The following STK32B variants were observed in gnomAD, a reference collection of about 807,000 sequenced individuals.
STK32B encodes the protein serine/threonine-protein kinase 32B.
A neutral mutation model predicts 52.6 loss-of-function variants in STK32B; 43 were observed. That is an observed-to-expected ratio of 0.82 (90% CI 0.64 to 1.05). The LOEUF (loss-of-function observed/expected upper bound fraction) is 1.05, where lower values mean the gene tolerates loss of function less well. Ranked by LOEUF, STK32B falls within the 50% of genes least tolerant of loss-of-function variation. STK32B has a pLI of 0.00. For missense variants in STK32B, 621 were observed against 534.6 expected, an observed-to-expected ratio of 1.16 and a Z score of -1.59; for synonymous variants, 238 against 204.3, an observed-to-expected ratio of 1.17 and a Z score of -1.41.
chr4:5,240,284 A>C (rs940922469), intron 3 of STK32B, among the ~76,000 whole-genome samples: 1 of 151,592 alleles, frequency 6.6e-6, no homozygotes, highest in Non-Finnish European at 1.5e-5. Flanking sequence ...GCCAATCTTG[A>C]ATCTTTTTTT....
intron 2 of STK32B, among the ~76,000 whole-genome samples, chr4:5,146,920 A>G (rs1338463979): frequency 2.0e-5 from 3 of 152,136 alleles, no homozygotes; most frequent in African/African-American, 7.2e-5. Context: ...TTTTCATACA[A>G]ATTTTGGAGT....
At position 5,126,830 on chromosome 4, in the gene STK32B, AACCCAGTT is replaced by A. The variant is rs1322279516; in HGVS notation, c.53-13073_53-13066del. 4.6e-5 allele frequency among the ~76,000 whole-genome samples: 7 copies of A among 152,350 alleles called. No homozygotes were observed. The South Asian group carries it at 1.2e-3, about 27-fold the overall frequency. On this transcript the variant is annotated intron_variant, in intron 1 of 11. Transcript: ENST00000282908. ...CTAAAACATGGCCATTTCTACTGAT[AACCCAGTT>A]ATCAATTTCCTGATTTTTTTAGGGA...
intron 3 of STK32B, among the ~76,000 whole-genome samples, chr4:5,190,600 T>C (rs116325727): frequency 0.012 from 1,771 of 152,258 alleles, 32 homozygotes; most frequent in African/African-American, 0.04. Flanking sequence ...TAGCTCACCC[T>C]GAAGAGTGCC....
chr4:5,487,647 G>A (rs372290864), intron 11 of STK32B, among the ~76,000 whole-genome samples: 3 of 152,126 alleles, frequency 2.0e-5, no homozygotes, highest in South Asian at 2.1e-4. Flanking sequence ...TAGGGTTATC[G>A]TCAAAATAGC....
At chr4:5,183,680 G>T (rs1720525284) in intron 3 of STK32B, among the ~76,000 whole-genome samples, 1 of 152,190 alleles carries the variant, frequency 6.6e-6, no homozygotes, top group Admixed American at 6.5e-5. Context: ...TTGTTTAATT[G>T]AAAAATCTGT....
chr4:5,294,443 T>C (rs1361222603), intron 3 of STK32B, among the ~76,000 whole-genome samples: 1 of 152,190 alleles, frequency 6.6e-6, no homozygotes, highest in Non-Finnish European at 1.5e-5. Flanking sequence ...TCCTCTCTTA[T>C]TGCCTTGAGC....
chr4:5,322,135 A>G (rs1054941167), intron 3 of STK32B, among the ~76,000 whole-genome samples: 8 of 152,076 alleles, frequency 5.3e-5, no homozygotes, highest in African/African-American at 1.9e-4. Context: ...GGAGTTCAAG[A>G]CCAGCCTGGG....
chr4:5,344,944 G>A (rs1338817452), intron 4 of STK32B, among the ~76,000 whole-genome samples: 1 of 151,984 alleles, frequency 6.6e-6, no homozygotes, highest in Non-Finnish European at 1.5e-5. Flanking sequence ...GGGAGGCTGA[G>A]ATGGGAGGAT....
intron 3 of STK32B, among the ~76,000 whole-genome samples, chr4:5,193,586 G>C (rs753060058): frequency 2.0e-5 from 3 of 152,222 alleles, no homozygotes; most frequent in Non-Finnish European, 4.4e-5. Context: ...CTTCTCCTCC[G>C]GCTGTGCTGC....
intron 4 of STK32B, among the ~76,000 whole-genome samples, chr4:5,370,984 A>ATATGTGTG (rs1553879907): frequency 2.1e-5 from 3 of 145,358 alleles, no homozygotes; most frequent in South Asian, 2.2e-4. Flanking sequence ...ATATATATAT[A>ATATGTGTG]TGTGTGTGTG....
intron 4 of STK32B, among the ~76,000 whole-genome samples, chr4:5,353,584 G>T (rs1733983731): frequency 6.6e-6 from 1 of 151,756 alleles, no homozygotes; most frequent in Admixed American, 6.6e-5. Context: ...CAAATGACAT[G>T]AATAGATATT....
intron 4 of STK32B, among the ~76,000 whole-genome samples, chr4:5,348,859 C>T (rs1440052920): frequency 6.6e-6 from 1 of 152,172 alleles, no homozygotes; most frequent in Non-Finnish European, 1.5e-5. Context: ...GAATCATCAT[C>T]CAACCCAGTC....
chr4:5,307,289 G>A (rs937748312), intron 3 of STK32B, among the ~76,000 whole-genome samples: 2 of 152,014 alleles, frequency 1.3e-5, no homozygotes, highest in Admixed American at 1.3e-4. Context: ...CTTAGATTTG[G>A]TCATTTAACA....
intron 6 of STK32B, among the ~76,000 whole-genome samples, chr4:5,438,708 C>T (rs1291594686): frequency 3.3e-5 from 5 of 152,188 alleles, no homozygotes; most frequent in Admixed American, 2.0e-4. Context: ...CCCACTAACT[C>T]GTCATCTAGC....
intron 4 of STK32B, among the ~76,000 whole-genome samples, chr4:5,333,209 C>T (rs1732395746): frequency 6.6e-6 from 1 of 152,144 alleles, no homozygotes; most frequent in Non-Finnish European, 1.5e-5. Flanking sequence ...GAGATGGTAT[C>T]TCATTGTGGT....
At chr4:5,074,291 C>T (rs1711955179) in intron 1 of STK32B, among the ~76,000 whole-genome samples, 1 of 151,884 alleles carries the variant, frequency 6.6e-6, no homozygotes, top group Non-Finnish European at 1.5e-5. Flanking sequence ...CAGATCCCTT[C>T]TGTATTGTCC....
rs115767170 is a variant in STK32B, at chr4:5,328,052, G to A, written c.261-3168G>A. Among the ~76,000 whole-genome samples, 465 of 152,204 alleles carry A rather than the reference G, an allele frequency of 3.1e-3. 2 individuals are homozygous for A. The highest frequency in any genetic ancestry group is 0.011 in the African/African-American group (451 of 41,518). ...TCTTTAACCTCATGAACCAACCTTT[G>A]CTAGCTTCCAGCTCTTTTTCTGCAA... On this transcript the variant is annotated intron_variant, in intron 3 of 11. Transcript: ENST00000282908.
At chr4:5,479,825 A>G (rs1244185011) in intron 11 of STK32B, among the ~76,000 whole-genome samples, 1 of 152,218 alleles carries the variant, frequency 6.6e-6, no homozygotes, top group South Asian at 2.1e-4. Context: ...CAGTAATTTC[A>G]ACTCTGTGTT....
chr4:5,254,877 CTTTG>C (rs1284431078), intron 3 of STK32B, among the ~76,000 whole-genome samples: 3 of 151,652 alleles, frequency 2.0e-5, no homozygotes, highest in African/African-American at 7.3e-5. Context: ...AGTAGATGTT[CTTTG>C]TTTTTCTTTT....
Sources: allele counts gnomAD v4.1 joint callset (sites outside exome capture counted in the v4.1 genomes callset), GRCh38; gene constraint gnomAD v4.1.1; transcripts MANE v1.5; gene names NCBI Gene and HGNC (gene_info 2026-07-23, HGNC 2026-07-21).